The following CUX1 variants were observed in gnomAD, a reference collection of about 807,000 sequenced individuals.
CUX1 encodes the protein cut like homeobox 1, also known as protein CASP.
A neutral mutation model predicts 158.8 loss-of-function variants in CUX1; 31 were observed. The ratio of observed to expected loss-of-function variants is 0.20; its 90% CI spans 0.15 to 0.26. The LOEUF (loss-of-function observed/expected upper bound fraction) is 0.26. Among genes scored for constraint, CUX1 ranks in the 10% least tolerant of loss-of-function variants. The pLI is 1.00. For synonymous variants in CUX1, 879 were observed against 862.1 expected (o/e 1.02, Z -0.34); for missense variants, 1,589 against 2,014.6 (o/e 0.79, Z 4.04).
intron 1 of CUX1, among the ~76,000 whole-genome samples, chr7:101,912,699 G>T (rs1803635717): frequency 6.6e-6 from 1 of 152,292 alleles, no homozygotes; most frequent in East Asian, 1.9e-4. Flanking sequence ...ACATTGTGTT[G>T]CGGTTTGCTT....
intron 1 of CUX1, among the ~76,000 whole-genome samples, chr7:101,879,608 C>A (rs1272480219): frequency 6.7e-6 from 1 of 150,212 alleles, no homozygotes; most frequent in Non-Finnish European, 1.5e-5. Flanking sequence ...GGCCTGAGGC[C>A]AGCCAGCCAG....
chr7:101,956,138 CAAAAAAAAA>C (rs11462111), intron 2 of CUX1, among the ~76,000 whole-genome samples: 4 of 64,980 alleles, frequency 6.2e-5, no homozygotes, highest in African/African-American at 2.7e-4. Context: ...GCCCACGTCT[CAAAAAAAAA>C]AAAAAAAAAA....
chr7:102,160,914 T>G (rs1790362106), intron 9 of CUX1, among the ~76,000 whole-genome samples: 1 of 152,202 alleles, frequency 6.6e-6, no homozygotes. Flanking sequence ...CGCTAATGGT[T>G]AAGATGGTAA....
chr7:101,986,914 G>A (rs1814388419), intron 2 of CUX1, among the ~76,000 whole-genome samples: 1 of 152,150 alleles, frequency 6.6e-6, no homozygotes. Flanking sequence ...TGAAGGACAA[G>A]CCAGCTCCTG....
chr7:102,021,336 T>C (rs1408795830), intron 2 of CUX1, among the ~76,000 whole-genome samples: 1 of 151,952 alleles, frequency 6.6e-6, no homozygotes, highest in African/African-American at 2.4e-5. Flanking sequence ...GGAGACAGGG[T>C]CTTGCTCTGT....
At chr7:102,246,924 T>C (rs555892387) in intron 23 of CUX1, among the ~76,000 whole-genome samples, 7 of 152,282 alleles carry the variant, frequency 4.6e-5, no homozygotes, top group African/African-American at 9.6e-5. Flanking sequence ...ATCAACACTT[T>C]GGGAGGCCAA....
intron 3 of CUX1, among the ~76,000 whole-genome samples, chr7:102,053,776 C>A (rs559624562): frequency 6.8e-6 from 1 of 147,374 alleles, no homozygotes; most frequent in Non-Finnish European, 1.5e-5. Context: ...CTTTTCAAAA[C>A]TTCCATTCTG....
chr7:101,883,514 C>CA (rs1372090718), intron 1 of CUX1, among the ~76,000 whole-genome samples: 1 of 151,950 alleles, frequency 6.6e-6, no homozygotes, highest in African/African-American at 2.4e-5. Flanking sequence ...ATACAGGGGT[C>CA]GGGGGCAGGA....
chr7:102,023,428 A>G (rs1819611828), intron 2 of CUX1, among the ~76,000 whole-genome samples: 1 of 152,192 alleles, frequency 6.6e-6, no homozygotes, highest in Non-Finnish European at 1.5e-5. Context: ...AGTAAATCGT[A>G]TCATGTCCTT....
intron 8 of CUX1, among the ~76,000 whole-genome samples, chr7:102,156,895 C>T (rs1197504992): frequency 2.0e-5 from 3 of 152,158 alleles, no homozygotes; most frequent in Non-Finnish European, 2.9e-5. Flanking sequence ...GAGCTCACAG[C>T]GTGGGCACCC....
At chr7:101,942,613 C>T (rs1807847947) in intron 2 of CUX1, among the ~76,000 whole-genome samples, 2 of 152,176 alleles carry the variant, frequency 1.3e-5, no homozygotes, top group African/African-American at 4.8e-5. Flanking sequence ...CAGATGCCTG[C>T]CACCACACCC....
chr7:102,131,520 A>C (rs112446423), intron 8 of CUX1, among the ~76,000 whole-genome samples: 14 of 152,030 alleles, frequency 9.2e-5, no homozygotes, highest in Admixed American at 2.0e-4. Context: ...TTTGAACATA[A>C]AAACTGCTCA....
intron 1 of CUX1, among the ~76,000 whole-genome samples, chr7:101,886,933 C>A (rs1416647634): frequency 1.3e-5 from 2 of 152,150 alleles, no homozygotes; most frequent in Non-Finnish European, 2.9e-5. Flanking sequence ...AAGAGGAGCC[C>A]CCAGACCTCA....
intron 11 of CUX1, among the ~76,000 whole-genome samples, chr7:102,182,097 T>G (rs1167214823): frequency 7.9e-5 from 12 of 152,206 alleles, no homozygotes; most frequent in Non-Finnish European, 4.4e-5. Flanking sequence ...CGATGGGGCC[T>G]TGAATCAGGT....
intron 7 of CUX1, among the ~76,000 whole-genome samples, chr7:102,113,381 G>A (rs942438486): frequency 1.3e-5 from 2 of 152,126 alleles, no homozygotes; most frequent in Non-Finnish European, 2.9e-5. Context: ...TCCTGCCTCA[G>A]CCTCCCGAGT....
intron 22 of CUX1, among the ~76,000 whole-genome samples, chr7:102,234,757 TAAAA>T (rs34652160): frequency 2.0e-4 from 22 of 109,576 alleles, no homozygotes; most frequent in Non-Finnish European, 3.9e-4. Flanking sequence ...CCCTCACTAC[TAAAA>T]AAAAAAAAAA....
At position 102,193,869 on chromosome 7, in the gene CUX1, G is replaced by A. The variant is rs2230104; in HGVS notation, c.1104G>A (p.Pro368=). Residue 368 remains proline (P), a synonymous_variant, in exon 13 of 24, where the codon CCG becomes CCA. Transcript: ENST00000292535. ...TTCTGAAGTCCATGGAGTTTGCACCGTCCGAGGGCGCTGGGACACAGGTAC... is the reference window on the plus strand; with the variant it reads ...TTCTGAAGTCCATGGAGTTTGCACCATCCGAGGGCGCTGGGACACAGGTAC... ...LNILKSMEFA[P]SEGAGTQDAA... The A allele has an allele frequency of 0.37, 598,134 of 1,612,800 alleles. 113,780 individuals carry two copies. The highest frequency in any genetic ancestry group is 0.46 in the Middle Eastern group (2,775 of 6,056).
intron 1 of CUX1, among the ~76,000 whole-genome samples, chr7:101,892,064 G>C (rs1200927763): frequency 1.3e-5 from 2 of 152,222 alleles, no homozygotes; most frequent in African/African-American, 4.8e-5. Flanking sequence ...TAAAAGGCTT[G>C]TTGAATGAAT....
intron 2 of CUX1, among the ~76,000 whole-genome samples, chr7:102,012,981 A>G (rs1732219943): frequency 6.6e-6 from 1 of 152,150 alleles, no homozygotes; most frequent in Non-Finnish European, 1.5e-5. Context: ...CTTGGGGGAG[A>G]AAACTTGTTC....
Sources: gnomAD v4.1 joint callset for allele counts (sites outside exome capture counted in the v4.1 genomes callset) on GRCh38, gnomAD v4.1.1 for gene constraint, MANE v1.5 for transcripts, NCBI Gene and HGNC (gene_info 2026-07-23, HGNC 2026-07-21) for gene names.